Variants in SHANK2 observed in about 807,000 individuals in gnomAD.
The protein encoded by SHANK2 is SH3 and multiple ankyrin repeat domains protein 2.
In SHANK2, 43 loss-of-function variants were observed where a neutral mutation model predicts 133.7. The ratio of observed to expected loss-of-function variants is 0.32; its 90% confidence interval spans 0.25 to 0.41. SHANK2 has a LOEUF of 0.41. SHANK2 is among the 10% of genes least tolerant of loss of function. The pLI is 1.00. For synonymous variants in SHANK2, 1,017 were observed against 952.8 expected, an observed-to-expected ratio of 1.07 and a Z score of -1.24; for missense variants, 1,994 against 2,235.8, an observed-to-expected ratio of 0.89 and a Z score of 2.18.
intron 11 of SHANK2, chr11:70,826,426 C>G (rs1555057224): frequency 4.2e-6 from 2 of 470,876 alleles, no homozygotes; most frequent in South Asian, 3.1e-5. Context: ...CAAGCAGCTG[C>G]TAATTCCCAT....
intron 17 of SHANK2, among the ~76,000 whole-genome samples, chr11:70,580,537 G>T (rs1238729824): frequency 6.6e-6 from 1 of 152,248 alleles, no homozygotes; most frequent in Non-Finnish European, 1.5e-5. Flanking sequence ...GGCAGTCTGG[G>T]TCTGCTCGGT....
In SHANK2 at chr11:70,827,627, T is replaced by C. The variant is rs868987135; in HGVS notation, c.1175-6945A>G. On this transcript the variant is annotated intron_variant, in intron 11 of 25. Coordinates refer to ENST00000601538, the MANE Select transcript of SHANK2 (RefSeq NM_012309.5). ...CTGGGCTGTAATTTAGTGTGCTGTG[T>C]GTGTGTGTGTGTTTTTTTTTTTTTT... 3.8e-3 allele frequency among the ~76,000 whole-genome samples: 549 copies of C among 143,454 alleles called. 5 individuals are homozygous for C. The highest frequency in any genetic ancestry group is 0.014 in the African/African-American group (524 of 37,562). The allele number at this position is 143,454 out of a possible 152,430, so 94.1% of individuals were successfully genotyped here. A position where few individuals can be genotyped will look rare whatever the true frequency, so the allele number is the denominator to read the frequency against.
intron 2 of SHANK2, among the ~76,000 whole-genome samples, chr11:71,202,681 A>G (rs1954040732): frequency 6.6e-6 from 1 of 152,196 alleles, no homozygotes; most frequent in Non-Finnish European, 1.5e-5. Flanking sequence ...TCTGAGTCAT[A>G]GGCCAGTCAG....
At chr11:71,142,664 G>A (rs1353668516) in intron 3 of SHANK2, among the ~76,000 whole-genome samples, 2 of 152,088 alleles carry the variant, frequency 1.3e-5, no homozygotes, top group Non-Finnish European at 2.9e-5. Context: ...CACAGAAAAA[G>A]TAACAAAATA....
chr11:70,595,907 C>A (rs191564050), intron 17 of SHANK2, among the ~76,000 whole-genome samples: 1 of 152,328 alleles, frequency 6.6e-6, no homozygotes, highest in Admixed American at 6.5e-5. Flanking sequence ...TTTATTCCAG[C>A]GACTGGTGTC....
chr11:70,509,777 A>G (rs1222500182), intron 17 of SHANK2, among the ~76,000 whole-genome samples: 1 of 152,162 alleles, frequency 6.6e-6, no homozygotes, highest in African/African-American at 2.4e-5. Flanking sequence ...GTGCCCTTAT[A>G]AAAGGGACCC....
At position 70,502,796 on chromosome 11, in the gene SHANK2, C is replaced by T; in HGVS notation, c.2197G>A (p.Ala733Thr). The change falls in exon 18 of 26, where the codon GCT (alanine) becomes ACT (threonine). Residue 733 changes from alanine to threonine, a missense_variant and splice_region_variant. Physicochemically the swap from Ala to Thr is moderately conservative, Grantham distance 58 (BLOSUM62 0). Around this residue, in one of 5 missense-constraint regions of SHANK2, gnomAD observed 488 missense variants for 642.6 expected, o/e 0.76. Transcript: ENST00000601538. ...GAGCTGGGCGATGTGGGGCATGTAC[C>T]TTTCTTCCTGGCGGTGTCGTCGGGG... is the stretch of plus-strand genomic sequence containing the variant. ...LDPDDTARKKAPPPPKRAPTT... is the reference protein window; with the variant it reads ...LDPDDTARKKTPPPPKRAPTT... 6.9e-7 allele frequency: 1 copy of T among 1,440,802 alleles called. No individual in the cohort carries two copies. Among genetic ancestry groups the T allele is most frequent in the African/African-American group, 1.5e-5 (1 of 66,630 alleles). The allele number at this position is 1,440,802 out of a possible 1,614,324, so 89.3% of individuals were successfully genotyped here. A position where few individuals can be genotyped will look rare whatever the true frequency, so the allele number is the denominator to read the frequency against.
chr11:70,707,992 G>A (rs782327187), intron 14 of SHANK2, among the ~76,000 whole-genome samples: 1 of 152,168 alleles, frequency 6.6e-6, no homozygotes, highest in Non-Finnish European at 1.5e-5. Context: ...TGCTCCCGGT[G>A]TGCACCGAGG....
At chr11:71,184,132 G>A (rs1953624762) in intron 2 of SHANK2, among the ~76,000 whole-genome samples, 1 of 152,112 alleles carries the variant, frequency 6.6e-6, no homozygotes, top group Admixed American at 6.5e-5. Context: ...GGCGGCACCT[G>A]GACTTGCCTG....
At chr11:71,178,516 C>T (rs1953488094) in intron 2 of SHANK2, among the ~76,000 whole-genome samples, 1 of 152,150 alleles carries the variant, frequency 6.6e-6, no homozygotes, top group Non-Finnish European at 1.5e-5. Flanking sequence ...GTGGTGGTTA[C>T]ACAATGTTGT....
intron 14 of SHANK2, among the ~76,000 whole-genome samples, chr11:70,716,825 G>A (rs991784127): frequency 1.3e-5 from 2 of 151,920 alleles, no homozygotes; most frequent in African/African-American, 2.4e-5. Context: ...CTCTTCAACC[G>A]CAAAGCAACA....
chr11:71,187,003 G>A (rs1038039233), intron 2 of SHANK2, among the ~76,000 whole-genome samples: 2 of 152,222 alleles, frequency 1.3e-5, no homozygotes, highest in Admixed American at 6.5e-5. Flanking sequence ...GCCGCCAAGC[G>A]GAAAGGTCAA....
chr11:70,640,548 G>A (rs2061165297), intron 17 of SHANK2, among the ~76,000 whole-genome samples: 1 of 152,228 alleles, frequency 6.6e-6, no homozygotes, highest in African/African-American at 2.4e-5. Context: ...TTGTGACAGC[G>A]GCCTCAGGAC....
chr11:71,200,831 T>TACACACAC (rs56749664), intron 2 of SHANK2, among the ~76,000 whole-genome samples: 3,507 of 144,990 alleles, frequency 0.024, 57 homozygotes, highest in African/African-American at 0.042. Flanking sequence ...TCTCAATTAA[T>TACACACAC]ACACACACAC....
chr11:70,865,493 T>G (rs1211533378), intron 11 of SHANK2, among the ~76,000 whole-genome samples: 1 of 152,126 alleles, frequency 6.6e-6, no homozygotes, highest in East Asian at 1.9e-4. Context: ...TCTGAGAAAG[T>G]GCAGAAGTCA....
intron 17 of SHANK2, among the ~76,000 whole-genome samples, chr11:70,628,160 A>T (rs2060929629): frequency 6.6e-6 from 1 of 152,066 alleles, no homozygotes; most frequent in Non-Finnish European, 1.5e-5. Flanking sequence ...GGGTTTCACC[A>T]TGTTGGCCAG....
Position 71,158,300 on chromosome 11 carries a change from A to T in SHANK2, c.-12-10962T>A, listed in dbSNP as rs138588538. 6.6e-3 allele frequency among the ~76,000 whole-genome samples: 1,002 copies of T among 152,374 alleles called. 8 individuals are homozygous for T. The highest frequency in any genetic ancestry group is 0.023 in the African/African-American group (962 of 41,596). ...GCCAGATAAGAATATACAAAAGTTA[A>T]GTGAATTGTTACATTAGCAATAAAC... On this transcript the variant is annotated intron_variant, in intron 2 of 25. Transcript: ENST00000601538.
In SHANK2 at chr11:70,764,415, C is replaced by A. The variant is rs12184436; in HGVS notation, c.1777+34028G>T. Among the ~76,000 whole-genome samples the A allele has an allele frequency of 6.5e-3, 981 of 151,108 alleles. 6 individuals are homozygous for A. The highest frequency in any genetic ancestry group is 0.011 in the Non-Finnish European group (725 of 67,686). ...TCCATCCATCCATCCACGCACCCAT[C>A]CATCCACCCACCCATACATCCACAC... On this transcript the variant is annotated intron_variant, in intron 14 of 25. Transcript: ENST00000601538.
chr11:71,161,093 C>T (rs1953005127), intron 2 of SHANK2, among the ~76,000 whole-genome samples: 1 of 152,182 alleles, frequency 6.6e-6, no homozygotes, highest in Non-Finnish European at 1.5e-5. Flanking sequence ...AAAACTAGTT[C>T]AAGGTATGAT....
Sources: gnomAD v4.1 joint callset for allele counts (sites outside exome capture counted in the v4.1 genomes callset) on GRCh38, gnomAD v4.1.1 for gene constraint, gnomAD v4.1.1 regional missense constraint, MANE v1.5 for transcripts, NCBI Gene and HGNC (gene_info 2026-07-23, HGNC 2026-07-21) for gene names.